Variants in DOCK9 observed in about 807,000 individuals in gnomAD.
DOCK9 encodes the protein dedicator of cytokinesis 9.
Under a neutral mutation model 263.3 loss-of-function variants are expected in DOCK9, and 89 were observed. The ratio of observed to expected loss-of-function variants is 0.34; its 90% CI spans 0.28 to 0.40. The LOEUF (loss-of-function observed/expected upper bound fraction) is 0.40. DOCK9 is among the 10% of genes least tolerant of loss of function. DOCK9 has a pLI of 1.00. For synonymous variants in DOCK9, 976 were observed against 973.1 expected (o/e 1.00, Z -0.06); for missense variants, 2,140 against 2,603.4 (o/e 0.82, Z 3.87).
chr13:98,887,896 G>C (rs1018835566), intron 18 of DOCK9, among the ~76,000 whole-genome samples: 4 of 152,036 alleles, frequency 2.6e-5, no homozygotes, highest in Non-Finnish European at 5.9e-5. Context: ...TAGGTGAACA[G>C]TAAGTGTTTG....
chr13:98,824,329 C>T, intron 45 of DOCK9, 69 bp downstream of exon 45: 2 of 1,383,524 alleles, frequency 1.4e-6, no homozygotes, highest in Non-Finnish European at 1.0e-6. Flanking sequence ...GTCTGATGCA[C>T]TAGCAATGCA....
At chr13:98,927,484 T>C (rs773110838) in intron 3 of DOCK9, among the ~76,000 whole-genome samples, 1 of 152,172 alleles carries the variant, frequency 6.6e-6, no homozygotes, top group Non-Finnish European at 1.5e-5. Flanking sequence ...AGAACTGAAA[T>C]TGTACCACCA....
At chr13:98,931,066 C>T (rs989703176) in intron 2 of DOCK9, among the ~76,000 whole-genome samples, 8 of 152,174 alleles carry the variant, frequency 5.3e-5, no homozygotes, top group African/African-American at 9.7e-5. Flanking sequence ...ACATCCCCAG[C>T]GCCTAAGAGC....
intron 3 of DOCK9, among the ~76,000 whole-genome samples, chr13:98,926,922 G>A (rs1253995707): frequency 6.6e-6 from 1 of 150,706 alleles, no homozygotes. Flanking sequence ...CGTTTCTACT[G>A]TCAACCTTTC....
At chr13:98,887,472 G>A (rs987374716) in intron 18 of DOCK9, among the ~76,000 whole-genome samples, 7 of 150,860 alleles carry the variant, frequency 4.6e-5, no homozygotes, top group African/African-American at 7.3e-5. Context: ...AAAAATTAGC[G>A]GGGTGTGGTG....
intron 3 of DOCK9, among the ~76,000 whole-genome samples, chr13:98,929,032 C>G (rs993656428): frequency 2.0e-5 from 3 of 151,956 alleles, no homozygotes; most frequent in African/African-American, 7.3e-5. Context: ...GTATTTATAG[C>G]TTCCTTATAG....
At chr13:99,038,239 T>C (rs1888091551) in intron 1 of DOCK9, among the ~76,000 whole-genome samples, 1 of 150,620 alleles carries the variant, frequency 6.6e-6, no homozygotes, top group Non-Finnish European at 1.5e-5. Flanking sequence ...CTAGTCTTTA[T>C]AATTAACCGG....
At chr13:98,892,960 C>T (rs2046850757) in intron 15 of DOCK9, among the ~76,000 whole-genome samples, 1 of 152,178 alleles carries the variant, frequency 6.6e-6, no homozygotes, top group Non-Finnish European at 1.5e-5. Flanking sequence ...ACTCCCAGCA[C>T]AGAAGTGAGC....
At chr13:99,027,465 C>T (rs1296984366) in intron 1 of DOCK9, among the ~76,000 whole-genome samples, 4 of 152,134 alleles carry the variant, frequency 2.6e-5, no homozygotes, top group South Asian at 2.1e-4. Context: ...GCAGCCAATG[C>T]GAACACCACG....
At chr13:98,863,884 TAA>T (rs2093946529) in intron 30 of DOCK9, among the ~76,000 whole-genome samples, 1 of 152,248 alleles carries the variant, frequency 6.6e-6, no homozygotes, top group South Asian at 2.1e-4. Context: ...ATTACAAATA[TAA>T]GTTTGTTATT....
At chr13:99,012,108 G>A (rs764926623) in intron 1 of DOCK9, among the ~76,000 whole-genome samples, 4 of 152,180 alleles carry the variant, frequency 2.6e-5, no homozygotes, top group Admixed American at 6.5e-5. Flanking sequence ...GAGCCACAGC[G>A]CCCAGCCCAG....
At chr13:99,071,707 G>A (rs980991409) in intron 1 of DOCK9, among the ~76,000 whole-genome samples, 11 of 151,974 alleles carry the variant, frequency 7.2e-5, no homozygotes, top group African/African-American at 1.9e-4. Context: ...TTTCTGGCTC[G>A]CTTTTTAGTT....
At chr13:98,845,195 C>A in intron 38 of DOCK9, 3 of 486,874 alleles carry the variant, frequency 6.2e-6, no homozygotes, top group Non-Finnish European at 1.1e-5. Flanking sequence ...TAAAAATATG[C>A]TCCCCTGTTC....
rs1269301461 is a variant in DOCK9 at position 98,925,806 on chromosome 13, T to A, written c.416+31A>T. 2.7e-6 allele frequency: 4 copies of A among 1,461,656 alleles called. No individual in the cohort carries two copies. In the East Asian group the frequency reaches 9.8e-5, roughly 36 times the overall value. 90.5% of individuals were successfully genotyped at this position (1,461,656 alleles called of 1,614,324 possible). A position where few individuals can be genotyped will look rare whatever the true frequency, so the allele number is the denominator to read the frequency against. ...CCCAAGCATTTCAAGTACAAAGACT[T>A]TTCCCTATGTGTATAATATAGCTTA... On this transcript the variant is annotated intron_variant, in intron 4 of 52. Coordinates refer to ENST00000682017, the MANE Select transcript of DOCK9 (RefSeq NM_001366683.2).
intron 1 of DOCK9, among the ~76,000 whole-genome samples, chr13:99,071,554 T>C (rs1596036802): frequency 6.6e-6 from 1 of 152,058 alleles, no homozygotes. Context: ...CTTCATCGTC[T>C]TCATAGTGAG....
intron 45 of DOCK9, among the ~76,000 whole-genome samples, chr13:98,822,793 A>C (rs1340655976): frequency 2.0e-5 from 3 of 152,200 alleles, no homozygotes; most frequent in Admixed American, 6.5e-5. Flanking sequence ...GATACCTAGA[A>C]AACTTTATTG....
intron 50 of DOCK9, among the ~76,000 whole-genome samples, chr13:98,799,475 T>C (rs758308033): frequency 6.6e-6 from 1 of 152,176 alleles, no homozygotes; most frequent in Non-Finnish European, 1.5e-5. Context: ...TAGGAAACCA[T>C]GTAAGTAAGA....
Position 98,826,876 on chromosome 13 carries a change from G to A in DOCK9, c.4977C>T (p.Cys1659=), listed in dbSNP as rs2092563108. 1 of 1,609,910 alleles carries A rather than the reference G, an allele frequency of 6.2e-7. No homozygotes were observed. Among genetic ancestry groups the A allele is most frequent in the Non-Finnish European group, 8.5e-7 (1 of 1,177,984 alleles). The change falls in exon 44 of 53, where the codon TGC becomes TGT. Residue 1659 remains cysteine (C), a synonymous_variant. Coordinates refer to ENST00000682017, the MANE Select transcript of DOCK9 (RefSeq NM_001366683.2). Reference sequence around the variant, plus strand: ...CCACTAGGGCTGTTACGTGGACATAGCACATTGCTGCCTATAATAGAAGAC... The same window carrying A: ...CCACTAGGGCTGTTACGTGGACATAACACATTGCTGCCTATAATAGAAGAC... ...KNGDLSEAAM[C]YVHVTALVAE... is the part of the protein sequence containing the mutation.
intron 1 of DOCK9, among the ~76,000 whole-genome samples, chr13:99,032,482 C>CAAAA (rs35786410): frequency 7.9e-6 from 1 of 126,896 alleles, no homozygotes. Flanking sequence ...GACACCATCT[C>CAAAA]AAAAAAAAAA....
Sources: gnomAD v4.1 joint callset for allele counts (sites outside exome capture counted in the v4.1 genomes callset) on GRCh38, gnomAD v4.1.1 for gene constraint, MANE v1.5 for transcripts, NCBI Gene and HGNC (gene_info 2026-07-23, HGNC 2026-07-21) for gene names.